The following ASPH variants were observed in gnomAD, a reference collection of about 807,000 sequenced individuals.
The protein encoded by ASPH is aspartate beta-hydroxylase, also known as aspartyl/asparaginyl beta-hydroxylase.
In ASPH, 100 loss-of-function variants were observed where a neutral mutation model predicts 118.4. The ratio of observed to expected loss-of-function variants is 0.84; its 90% CI spans 0.72 to 1.00. ASPH has a LOEUF of 1.00. Among genes scored for constraint, ASPH ranks in the 50% least tolerant of loss-of-function variants. The pLI, the probability that ASPH is intolerant of heterozygous loss-of-function variation, is 0.00. For synonymous variants in ASPH, 315 were observed against 325.6 expected (o/e 0.97, Z 0.35); for missense variants, 920 against 919.5 (o/e 1.00, Z -0.01).
chr8:61,522,749 C>T (rs747166935), intron 22 of ASPH, among the ~76,000 whole-genome samples: 1 of 152,164 alleles, frequency 6.6e-6, no homozygotes, highest in African/African-American at 2.4e-5. Flanking sequence ...AATTATGTGT[C>T]AATTAAACCT....
At chr8:61,654,498 G>A (rs1209691579) in intron 3 of ASPH, among the ~76,000 whole-genome samples, 3 of 152,244 alleles carry the variant, frequency 2.0e-5, no homozygotes, top group Admixed American at 6.5e-5. Context: ...GACAGCCTGC[G>A]GCAGGAAGGT....
Position 61,603,191 on chromosome 8 carries a change from C to CAA in ASPH, c.976+15785_976+15786dup, listed in dbSNP as rs11336705. ...CTGGGTGACAGAGTGAGACTTGTCT[C>CAA]AAAAAAAAAAAAAAAAAAAAAAAAA... On this transcript the variant is annotated intron_variant, in intron 14 of 24. Transcript: ENST00000379454. 2.8e-3 allele frequency among the ~76,000 whole-genome samples: 174 copies of CAA among 61,316 alleles called. 3 individuals are homozygous for CAA. Among genetic ancestry groups the CAA allele is most frequent in the African/African-American group, 7.3e-3 (125 of 17,032 alleles). The allele number at this position is 61,316 out of a possible 152,430, so 40.2% of individuals were successfully genotyped here.
chr8:61,560,787 C>T (rs967275400), intron 18 of ASPH, among the ~76,000 whole-genome samples: 1 of 151,802 alleles, frequency 6.6e-6, no homozygotes, highest in African/African-American at 2.4e-5. Context: ...GGATGAATAT[C>T]CTGAAGGGAG....
At chr8:61,588,991 G>A (rs1197939253) in intron 14 of ASPH, among the ~76,000 whole-genome samples, 1 of 152,210 alleles carries the variant, frequency 6.6e-6, no homozygotes. Context: ...TATGTTAAGT[G>A]AAAGTGGCCT....
chr8:61,551,315 G>A (rs1375946028), intron 20 of ASPH, among the ~76,000 whole-genome samples: 1 of 152,230 alleles, frequency 6.6e-6, no homozygotes, highest in Non-Finnish European at 1.5e-5. Context: ...CTCTTTCAGA[G>A]TTGGAGCAGT....
rs369947570 is a variant in ASPH at position 61,517,466 on chromosome 8, G to A, written c.2126+62C>T. On this transcript the variant is annotated intron_variant, in intron 24 of 24. Coordinates refer to ENST00000379454, the MANE Select transcript of ASPH (RefSeq NM_004318.4). The stretch of plus-strand genomic sequence containing the variant: ...ATAAGTAATCCAAAGGAACACAACT[G>A]TGTTGTAACAAACTCTCATCCTCTG... 1.3e-5 allele frequency: 21 copies of A among 1,581,560 alleles called. No homozygotes were observed. In the East Asian group the frequency reaches 2.9e-4, roughly 22 times the overall value.
At chr8:61,514,546 A>G (rs1810144996) in intron 24 of ASPH, among the ~76,000 whole-genome samples, 2 of 152,022 alleles carry the variant, frequency 1.3e-5, no homozygotes, top group African/African-American at 4.8e-5. Context: ...CGTCTCTACT[A>G]AAAATACAGA....
intron 10 of ASPH, among the ~76,000 whole-genome samples, chr8:61,641,177 C>T (rs936242923): frequency 2.0e-5 from 3 of 152,176 alleles, no homozygotes; most frequent in African/African-American, 7.2e-5. Context: ...CTTTTGCTAA[C>T]ATTTTAAATT....
chr8:61,544,066 A>G (rs758570148), intron 21 of ASPH, among the ~76,000 whole-genome samples: 3 of 152,188 alleles, frequency 2.0e-5, no homozygotes, highest in Non-Finnish European at 4.4e-5. Flanking sequence ...GTGAGGTACT[A>G]AAAATGTGAT....
intron 3 of ASPH, chr8:61,661,324 T>G (rs1436781388): frequency 6.6e-6 from 1 of 152,228 alleles, no homozygotes; most frequent in Non-Finnish European, 1.5e-5. Context: ...ATTACTATTC[T>G]TATTCTACCA....
At chr8:61,685,136 G>A (rs976608154) in intron 1 of ASPH, among the ~76,000 whole-genome samples, 3 of 152,172 alleles carry the variant, frequency 2.0e-5, no homozygotes, top group Admixed American at 2.0e-4. Context: ...ACGGTGTCCT[G>A]CCACTATTTC....
rs1442813984 is a variant in ASPH at position 61,503,419 on chromosome 8, G to A, written c.2217C>T (p.Ile739=). 1.9e-6 allele frequency: 3 copies of A among 1,612,970 alleles called. No individual in the cohort carries two copies. Among genetic ancestry groups the A allele is most frequent in the South Asian group, 2.2e-5 (2 of 90,894 alleles). Residue 739 remains isoleucine (I), a synonymous_variant, in exon 25 of 25, where the codon ATC becomes ATT. Transcript: ENST00000379454. ...QDASSFRLIF[I]VDVWHPELTP... ...TCAGTTCCGGATGCCACACATCCAC[G>A]ATGAATATCAGCCGGAAAGATGAGG...
chr8:61,669,208 C>G (rs753599378), intron 3 of ASPH, among the ~76,000 whole-genome samples: 2 of 152,128 alleles, frequency 1.3e-5, no homozygotes, highest in African/African-American at 4.8e-5. Context: ...CCACTTTGTA[C>G]GTTTCTCAAA....
At chr8:61,694,257 G>C (rs1833399212) in intron 1 of ASPH, among the ~76,000 whole-genome samples, 1 of 152,054 alleles carries the variant, frequency 6.6e-6, no homozygotes, top group Non-Finnish European at 1.5e-5. Flanking sequence ...ACTCTGCACT[G>C]TCTCTTCTCG....
At chr8:61,570,744 T>C (rs938489470) in intron 16 of ASPH, among the ~76,000 whole-genome samples, 8 of 152,198 alleles carry the variant, frequency 5.3e-5, no homozygotes, top group African/African-American at 1.7e-4. Flanking sequence ...TGAAACTGAA[T>C]ATTTGTTACA....
chr8:61,671,962 C>T (rs1221068768), intron 3 of ASPH, among the ~76,000 whole-genome samples: 1 of 152,252 alleles, frequency 6.6e-6, no homozygotes, highest in Non-Finnish European at 1.5e-5. Flanking sequence ...CTGGATATCA[C>T]TTCATACTCA....
intron 1 of ASPH, among the ~76,000 whole-genome samples, chr8:61,696,969 C>T (rs1834048365): frequency 6.6e-6 from 1 of 152,204 alleles, no homozygotes; most frequent in African/African-American, 2.4e-5. Flanking sequence ...ACAGCTGTGT[C>T]CATGAAGACT....
chr8:61,621,608 T>C (rs1850952925), intron 13 of ASPH, among the ~76,000 whole-genome samples: 1 of 152,234 alleles, frequency 6.6e-6, no homozygotes, highest in African/African-American at 2.4e-5. Context: ...TAACACAGAC[T>C]ATCCCATTTA....
intron 13 of ASPH, among the ~76,000 whole-genome samples, chr8:61,632,317 G>A: frequency 6.6e-6 from 1 of 152,038 alleles, no homozygotes; most frequent in Non-Finnish European, 1.5e-5. Flanking sequence ...AATTAGATCA[G>A]TATTTTAAAA....
Sources: allele counts gnomAD v4.1 joint callset (sites outside exome capture counted in the v4.1 genomes callset), GRCh38; gene constraint gnomAD v4.1.1; transcripts MANE v1.5; gene names NCBI Gene and HGNC (gene_info 2026-07-23, HGNC 2026-07-21).